Variants in TMEM132D observed in about 807,000 individuals in gnomAD.
TMEM132D encodes the protein transmembrane protein 132D.
In TMEM132D, 21 loss-of-function variants were observed where a neutral mutation model predicts 62.3. The ratio of observed to expected loss-of-function variants is 0.34; its 90% CI spans 0.24 to 0.49. The LOEUF is 0.49. TMEM132D is among the 20% of genes least tolerant of loss of function. The pLI, the probability that TMEM132D is intolerant of heterozygous loss-of-function variation, is 0.99. For missense variants in TMEM132D, 1,346 were observed against 1,402.8 expected (o/e 0.96, Z 0.65); for synonymous variants, 621 against 575.6 (o/e 1.08, Z -1.13).
chr12:129,189,364 T>C (rs1339470821), intron 5 of TMEM132D, among the ~76,000 whole-genome samples: 1 of 152,142 alleles, frequency 6.6e-6, no homozygotes, highest in Non-Finnish European at 1.5e-5. Context: ...AAGCTCTCTT[T>C]CAAGTTTCCA....
At chr12:129,144,562 C>A (rs931154264) in intron 5 of TMEM132D, among the ~76,000 whole-genome samples, 10 of 152,170 alleles carry the variant, frequency 6.6e-5, no homozygotes, top group Admixed American at 6.6e-4. Context: ...TGAGGAGGCA[C>A]CTGGGACCAT....
At chr12:129,164,184 G>T (rs1040886334) in intron 5 of TMEM132D, among the ~76,000 whole-genome samples, 1 of 152,202 alleles carries the variant, frequency 6.6e-6, no homozygotes, top group African/African-American at 2.4e-5. Context: ...AGATAATCCA[G>T]CCCCAGGTTC....
intron 3 of TMEM132D, among the ~76,000 whole-genome samples, chr12:129,365,591 G>C (rs976467615): frequency 6.6e-5 from 10 of 152,130 alleles, no homozygotes; most frequent in Admixed American, 2.6e-4. Flanking sequence ...ATGGAGCAGG[G>C]GGAGAAGAGA....
At chr12:129,573,831 TG>T (rs1241445550) in intron 2 of TMEM132D, among the ~76,000 whole-genome samples, 1 of 149,600 alleles carries the variant, frequency 6.7e-6, no homozygotes, top group African/African-American at 2.6e-5. Context: ...GTGAAAGAAG[TG>T]TTACACAGAA....
intron 4 of TMEM132D, among the ~76,000 whole-genome samples, chr12:129,315,113 T>A (rs1868440232): frequency 6.6e-6 from 1 of 152,208 alleles, no homozygotes; most frequent in South Asian, 2.1e-4. Context: ...GACTTCCTTT[T>A]TACCAGTTGG....
intron 2 of TMEM132D, among the ~76,000 whole-genome samples, chr12:129,638,180 A>G (rs1879537091): frequency 6.6e-6 from 1 of 152,172 alleles, no homozygotes; most frequent in Non-Finnish European, 1.5e-5. Flanking sequence ...AATAGTGGAG[A>G]ATGGCTGGAG....
intron 5 of TMEM132D, among the ~76,000 whole-genome samples, chr12:129,136,542 G>A (rs1280194662): frequency 6.6e-6 from 1 of 152,164 alleles, no homozygotes; most frequent in Non-Finnish European, 1.5e-5. Context: ...CATATCAGAA[G>A]GTACATTGGC....
chr12:129,114,647 C>T (rs1225764631), intron 5 of TMEM132D, among the ~76,000 whole-genome samples: 1 of 152,192 alleles, frequency 6.6e-6, no homozygotes, highest in Non-Finnish European at 1.5e-5. Flanking sequence ...GTCATCCTGC[C>T]AGAAGCCCCT....
chr12:129,835,663 T>C (rs1413599962), intron 1 of TMEM132D, among the ~76,000 whole-genome samples: 1 of 152,204 alleles, frequency 6.6e-6, no homozygotes, highest in Non-Finnish European at 1.5e-5. Context: ...GGTTGTAAAA[T>C]GCTAAATCCT....
At chr12:129,293,986 T>G (rs1005804263) in intron 4 of TMEM132D, among the ~76,000 whole-genome samples, 7 of 152,186 alleles carry the variant, frequency 4.6e-5, no homozygotes, top group Non-Finnish European at 7.3e-5. Context: ...CCACAGTAAC[T>G]GAGATTCCAT....
chr12:129,732,014 G>A (rs892603818), intron 1 of TMEM132D, among the ~76,000 whole-genome samples: 3 of 152,060 alleles, frequency 2.0e-5, no homozygotes, highest in Non-Finnish European at 4.4e-5. Context: ...AGCCCCATGG[G>A]TTTTCAGATG....
chr12:129,828,581 G>A (rs1470474221), intron 1 of TMEM132D, among the ~76,000 whole-genome samples: 1 of 148,186 alleles, frequency 6.7e-6, no homozygotes, highest in Admixed American at 6.8e-5. Context: ...AGATATGGTT[G>A]GTTGGCTACT....
intron 1 of TMEM132D, among the ~76,000 whole-genome samples, chr12:129,833,885 C>T (rs373444950): frequency 1.3e-5 from 2 of 152,100 alleles, no homozygotes; most frequent in South Asian, 4.1e-4. Flanking sequence ...CTAATGCCTA[C>T]ATGCCTAAAA....
chr12:129,307,907 A>G (rs895842250), intron 4 of TMEM132D, among the ~76,000 whole-genome samples: 15 of 152,134 alleles, frequency 9.9e-5, no homozygotes, highest in African/African-American at 3.6e-4. Flanking sequence ...TATCCCCCAC[A>G]TCCTAACTAT....
chr12:129,224,208 T>C (rs941900800), intron 4 of TMEM132D, among the ~76,000 whole-genome samples: 2 of 152,348 alleles, frequency 1.3e-5, no homozygotes, highest in African/African-American at 4.8e-5. Flanking sequence ...TTTTTTCCTC[T>C]TTAGTTAATA....
At chr12:129,877,396 G>C (rs1445397388) in intron 1 of TMEM132D, among the ~76,000 whole-genome samples, 1 of 151,984 alleles carries the variant, frequency 6.6e-6, no homozygotes, top group African/African-American at 2.4e-5. Context: ...CTGATCAACA[G>C]CTGACTCTAA....
At chr12:129,832,827 C>T (rs971136270) in intron 1 of TMEM132D, among the ~76,000 whole-genome samples, 26 of 152,166 alleles carry the variant, frequency 1.7e-4, no homozygotes, top group Non-Finnish European at 5.9e-5. Context: ...TCAAAGGCAC[C>T]GTCTCCAATA....
At chr12:129,765,772 T>C (rs1237731712) in intron 1 of TMEM132D, among the ~76,000 whole-genome samples, 1 of 152,192 alleles carries the variant, frequency 6.6e-6, no homozygotes. Context: ...CTGTTTGGTA[T>C]CCTCATGAGT....
intron 4 of TMEM132D, among the ~76,000 whole-genome samples, chr12:129,245,674 G>A (rs1167664212): frequency 2.6e-5 from 4 of 152,024 alleles, no homozygotes; most frequent in Non-Finnish European, 5.9e-5. Context: ...GTAAAAGGCA[G>A]TGAGAGTGGC....
Sources: allele counts gnomAD v4.1 joint callset (sites outside exome capture counted in the v4.1 genomes callset), GRCh38; gene constraint gnomAD v4.1.1; transcripts MANE v1.5; gene names NCBI Gene and HGNC (gene_info 2026-07-23, HGNC 2026-07-21).